PALS1: variants seen among roughly 807,000 people sequenced by gnomAD.
PALS1 encodes the protein protein PALS1.
PALS1 carries 31 observed loss-of-function variants against 78.9 expected under a neutral mutation model. The observed-to-expected ratio is 0.39, with a 90% CI of 0.30 to 0.53. The LOEUF is 0.53. Among genes scored for constraint, PALS1 ranks in the 20% least tolerant of loss-of-function variants. The pLI is 0.67. For missense variants in PALS1, 704 were observed against 826.5 expected, an observed-to-expected ratio of 0.85 and a Z score of 1.82; for synonymous variants, 276 against 270.9, an observed-to-expected ratio of 1.02 and a Z score of -0.18.
At chr14:67,292,377 CAAT>C in intron 3 of PALS1, 131 bp from the exon 4 acceptor site, 1 of 598,292 alleles carries the variant, frequency 1.7e-6, no homozygotes, top group Non-Finnish European at 3.0e-6. Context: ...CCATGATTGA[CAAT>C]AATATATGCA....
chr14:67,302,297 T>A lies in PALS1; in HGVS notation c.802-113T>A, dbSNP rs138857461. On this transcript the variant is annotated intron_variant, in intron 6 of 14. Transcript: ENST00000261681. ...TCTAGTTGTGTAAATAAATTTTTTC[T>A]TAAGATAACTGAAGGTTAGTATTGT... 1,080 of 1,080,960 alleles carry A rather than the reference T, an allele frequency of 1.0e-3. 10 individuals are homozygous for A. In the African/African-American group the frequency reaches 0.016, roughly 16 times the overall value. The allele number at this position is 1,080,960 out of a possible 1,614,324, so 67.0% of individuals were successfully genotyped here.
intron 11 of PALS1, among the ~76,000 whole-genome samples, chr14:67,318,102 T>A (rs914628217): frequency 1.3e-5 from 2 of 152,212 alleles, no homozygotes; most frequent in African/African-American, 4.8e-5. Flanking sequence ...CTCCTTAGTT[T>A]GTTTTTATGG....
chr14:67,323,997 G>T (rs971972887), intron 14 of PALS1, among the ~76,000 whole-genome samples, 185 bp downstream of exon 14: 1 of 152,186 alleles, frequency 6.6e-6, no homozygotes, highest in Non-Finnish European at 1.5e-5. Context: ...GCTTTCCAAA[G>T]TTGGGGCATC....
At chr14:67,326,700 G>A (rs1390626673) in intron 14 of PALS1, among the ~76,000 whole-genome samples, 1 of 152,110 alleles carries the variant, frequency 6.6e-6, no homozygotes, top group Non-Finnish European at 1.5e-5. Context: ...ATCTGTTCTA[G>A]AAGTTCATAT....
chr14:67,295,528 G>C (rs958425957), intron 4 of PALS1, among the ~76,000 whole-genome samples: 6 of 149,076 alleles, frequency 4.0e-5, no homozygotes, highest in African/African-American at 1.5e-4. Context: ...AAGAAAAAAA[G>C]ACTACTCGGT....
intron 9 of PALS1, among the ~76,000 whole-genome samples, chr14:67,315,896 G>C (rs992152364): frequency 1.3e-5 from 2 of 152,268 alleles, no homozygotes; most frequent in Non-Finnish European, 2.9e-5. Flanking sequence ...CTGCACTCCA[G>C]CCTGGGTGAC....
At chr14:67,323,507 G>A (rs1003644798) in intron 13 of PALS1, among the ~76,000 whole-genome samples, 195 bp from the exon 14 acceptor site, 1 of 151,504 alleles carries the variant, frequency 6.6e-6, no homozygotes, top group African/African-American at 2.4e-5. Context: ...CCTAGCTACT[G>A]GGGATGCTGA....
In PALS1 at chr14:67,303,427, C is replaced by T. The variant is rs929832310; in HGVS notation, c.964-95C>T. 9.4e-6 allele frequency: 9 copies of T among 952,948 alleles called. No homozygotes were observed. In the Admixed American group the frequency reaches 1.7e-4, roughly 18 times the overall value. The allele number at this position is 952,948 out of a possible 1,614,324, so 59.0% of individuals were successfully genotyped here. ...GGTCATTTAAGTCTGTGGAGGGGTTCTGAAATAGTCCAGTTTAGGGAATAT... is the reference window on the plus strand; with the variant it reads ...GGTCATTTAAGTCTGTGGAGGGGTTTTGAAATAGTCCAGTTTAGGGAATAT... On this transcript the variant is annotated intron_variant, in intron 7 of 14. Coordinates refer to ENST00000261681, the MANE Select transcript of PALS1 (RefSeq NM_022474.4).
chr14:67,257,524 A>C (rs538684335), intron 1 of PALS1, among the ~76,000 whole-genome samples: 1 of 152,296 alleles, frequency 6.6e-6, no homozygotes, highest in African/African-American at 2.4e-5. Context: ...GTGAGACACA[A>C]CTTGTGGAGA....
intron 3 of PALS1, among the ~76,000 whole-genome samples, chr14:67,286,089 A>T (rs563381330): frequency 6.6e-6 from 1 of 152,240 alleles, no homozygotes; most frequent in Admixed American, 6.5e-5. Flanking sequence ...TAAACTAGAT[A>T]TAAAGAAATT....
At chr14:67,325,156 T>C (rs965627393) in intron 14 of PALS1, among the ~76,000 whole-genome samples, 2 of 151,928 alleles carry the variant, frequency 1.3e-5, no homozygotes, top group Non-Finnish European at 2.9e-5. Flanking sequence ...CCACCCGCCT[T>C]GGCCTCCCAA....
chr14:67,295,191 G>A (rs534510566), intron 4 of PALS1, among the ~76,000 whole-genome samples: 13 of 151,386 alleles, frequency 8.6e-5, no homozygotes, highest in Non-Finnish European at 1.5e-4. Flanking sequence ...GGCTGGGTGC[G>A]GTCTGTAATA....
rs574972541 is a variant in PALS1 at position 67,297,515 on chromosome 14, C to T, written c.577-3874C>T. 4.6e-5 allele frequency among the ~76,000 whole-genome samples: 7 copies of T among 152,086 alleles called. No homozygotes were observed. In the East Asian group the frequency reaches 5.8e-4, roughly 13 times the overall value. On this transcript the variant is annotated intron_variant, in intron 4 of 14. Coordinates refer to ENST00000261681, the MANE Select transcript of PALS1 (RefSeq NM_022474.4). ...AAGAAATTTATTCTATACATGATTG[C>T]GAATCTACTGAAGAATTTTAAACAG...
At chr14:67,243,931 TCTGA>T (rs1427734842) in intron 1 of PALS1, among the ~76,000 whole-genome samples, 2 of 152,230 alleles carry the variant, frequency 1.3e-5, no homozygotes, top group Non-Finnish European at 2.9e-5. Flanking sequence ...TAATCCGTAG[TCTGA>T]CTGCTAGTTA....
intron 8 of PALS1, among the ~76,000 whole-genome samples, chr14:67,303,896 T>G (rs2084963844): frequency 6.6e-6 from 1 of 152,062 alleles, no homozygotes; most frequent in Non-Finnish European, 1.5e-5. Flanking sequence ...GCCTCTTGAG[T>G]AGCTGGGATT....
At chr14:67,261,537 T>C (rs980742096) in intron 1 of PALS1, among the ~76,000 whole-genome samples, 5 of 152,200 alleles carry the variant, frequency 3.3e-5, no homozygotes, top group Non-Finnish European at 7.4e-5. Context: ...AGGATATTCA[T>C]TTTTAAGCTA....
chr14:67,317,319 A>G, intron 10 of PALS1, 89 bp from the exon 11 acceptor site: 1 of 1,179,992 alleles, frequency 8.5e-7, no homozygotes. Context: ...TAAAGAATAA[A>G]TGAATGAATA....
intron 1 of PALS1, among the ~76,000 whole-genome samples, chr14:67,252,880 T>A (rs753560175): frequency 3.3e-5 from 5 of 152,250 alleles, no homozygotes; most frequent in Non-Finnish European, 7.3e-5. Context: ...GAAACACAAT[T>A]TCATTTATTC....
intron 14 of PALS1, among the ~76,000 whole-genome samples, chr14:67,324,329 ATGT>A (rs2085315260): frequency 6.6e-6 from 1 of 152,164 alleles, no homozygotes. Flanking sequence ...GACTGATAAC[ATGT>A]TATTAATAAG....
Sources: gnomAD v4.1 joint callset for allele counts (sites outside exome capture counted in the v4.1 genomes callset) on GRCh38, gnomAD v4.1.1 for gene constraint, MANE v1.5 for transcripts, NCBI Gene and HGNC (gene_info 2026-07-23, HGNC 2026-07-21) for gene names.